TMPRSS15: variants seen among roughly 807,000 people sequenced by gnomAD.
The protein encoded by TMPRSS15 is transmembrane serine protease 15.
TMPRSS15 carries 128 observed loss-of-function variants against 125.3 expected under a neutral mutation model. The ratio of observed to expected loss-of-function variants is 1.02; its 90% CI spans 0.89 to 1.18. The LOEUF is 1.18. TMPRSS15 is among the 50% of genes most tolerant of loss of function. TMPRSS15 has a pLI of 0.00. For synonymous variants in TMPRSS15, 446 were observed against 423.2 expected (o/e 1.05, Z -0.66); for missense variants, 1,283 against 1,212.7 (o/e 1.06, Z -0.86).
intron 17 of TMPRSS15, among the ~76,000 whole-genome samples, chr21:18,314,340 A>G (rs2146938990): frequency 6.6e-6 from 1 of 152,188 alleles, no homozygotes; most frequent in South Asian, 2.1e-4. Flanking sequence ...GTGCAATGGC[A>G]TGATCTGGGC....
intron 1 of TMPRSS15, among the ~76,000 whole-genome samples, chr21:18,450,247 A>C (rs1601466902): frequency 1.3e-5 from 2 of 152,148 alleles, no homozygotes; most frequent in African/African-American, 4.8e-5. Context: ...GTAGCATGCA[A>C]ATTTCATTGT....
At chr21:18,375,588 CATT>C (rs2075833976) in intron 5 of TMPRSS15, among the ~76,000 whole-genome samples, 1 of 152,046 alleles carries the variant, frequency 6.6e-6, no homozygotes, top group Non-Finnish European at 1.5e-5. Context: ...TCATATTAGG[CATT>C]ATTAACTCAG....
chr21:18,461,542 C>T (rs1243942761), intron 1 of TMPRSS15, among the ~76,000 whole-genome samples: 1 of 151,976 alleles, frequency 6.6e-6, no homozygotes, highest in Non-Finnish European at 1.5e-5. Context: ...AACTAAACTC[C>T]CCACGCATAT....
At chr21:18,413,744 T>G (rs2076173258) in intron 1 of TMPRSS15, among the ~76,000 whole-genome samples, 1 of 151,934 alleles carries the variant, frequency 6.6e-6, no homozygotes, top group South Asian at 2.1e-4. Context: ...ATTTCTTGCT[T>G]TAGGACAGGG....
At chr21:18,374,141 G>A (rs1601407674) in intron 5 of TMPRSS15, among the ~76,000 whole-genome samples, 2 of 152,154 alleles carry the variant, frequency 1.3e-5, no homozygotes, top group Non-Finnish European at 2.9e-5. Context: ...AAGGCACCAG[G>A]AGGAGAGAGA....
At chr21:18,475,591 C>G (rs1214633267) in intron 1 of TMPRSS15, among the ~76,000 whole-genome samples, 2 of 151,990 alleles carry the variant, frequency 1.3e-5, no homozygotes, top group African/African-American at 4.8e-5. Context: ...GACTCTGTCT[C>G]AAAAAATTTT....
chr21:18,437,468 G>C (rs1381296952), intron 1 of TMPRSS15, among the ~76,000 whole-genome samples: 2 of 152,096 alleles, frequency 1.3e-5, no homozygotes, highest in African/African-American at 2.4e-5. Context: ...AGCCAAAATT[G>C]ACAAATGGGA....
Position 18,413,312 on chromosome 21 carries a change from T to TTTCTTTCCTTCCTTCCTTCCTTCC in TMPRSS15, c.11-14984_11-14983insGGAAGGAAGGAAGGAAGGAAAGAA, listed in dbSNP as rs1555911458. Among the ~76,000 whole-genome samples, 151 of 94,852 alleles carry TTTCTTTCCTTCCTTCCTTCCTTCC rather than the reference T, an allele frequency of 1.6e-3. 6 individuals are homozygous for TTTCTTTCCTTCCTTCCTTCCTTCC. The highest frequency in any genetic ancestry group is 3.6e-3 in the East Asian group (11 of 3,098). The allele number at this position is 94,852 out of a possible 152,430, so 62.2% of individuals were successfully genotyped here. A position where few individuals can be genotyped will look rare whatever the true frequency, so the allele number is the denominator to read the frequency against. On this transcript the variant is annotated intron_variant, in intron 1 of 7. Coordinates refer to the TMPRSS15 transcript ENST00000422787. ...TCTTTCTTTTCTTTCTTTTCTTTCT[T>TTTCTTTCCTTCCTTCCTTCCTTCC]TTCCTTCCTTCCTTCCTTCCTTCCT...
chr21:18,472,590 A>T (rs893900286), intron 1 of TMPRSS15, among the ~76,000 whole-genome samples: 3 of 151,954 alleles, frequency 2.0e-5, no homozygotes, highest in Non-Finnish European at 4.4e-5. Flanking sequence ...AATCACTACA[A>T]TAAATAAACT....
rs752935954 is a variant in TMPRSS15, at chr21:18,403,538, C to A, written c.85G>T (p.Val29Leu). ...GCAATTAATCCAGCACAGAGCACTACCAATATGGCAAAGAGAGCTGCAAAC... is the reference window on the plus strand; with the variant it reads ...GCAATTAATCCAGCACAGAGCACTAACAATATGGCAAAGAGAGCTGCAAAC... ...IMFAALFAIL[V>L]VLCAGLIAVS... is the part of the protein sequence containing the mutation. Residue 29 changes from valine to leucine, a missense_variant, in exon 1 of 25, where the codon GTA becomes TTA. Physicochemically the swap from Val to Leu is conservative, Grantham distance 32 (BLOSUM62 1). Coordinates refer to ENST00000284885, the MANE Select transcript of TMPRSS15 (RefSeq NM_002772.3). 6.2e-7 allele frequency: 1 copy of A among 1,614,134 alleles called. No homozygotes were observed. The highest frequency in any genetic ancestry group is 2.2e-5 in the East Asian group (1 of 44,868).
At chr21:18,429,278 G>A (rs1413244161) in intron 1 of TMPRSS15, among the ~76,000 whole-genome samples, 2 of 152,154 alleles carry the variant, frequency 1.3e-5, no homozygotes, top group African/African-American at 2.4e-5. Context: ...TGTGTCAGAT[G>A]AGACTTTGAA....
At position 18,326,281 on chromosome 21, in the gene TMPRSS15, A is replaced by G. The variant is rs1025086249; in HGVS notation, c.1921+151T>C. 1.1e-4 allele frequency: 129 copies of G among 1,198,496 alleles called. 1 individual carries two copies. Among genetic ancestry groups the G allele is most frequent in the South Asian group, 1.8e-4 (14 of 79,356 alleles). 74.2% of individuals were successfully genotyped at this position (1,198,496 alleles called of 1,614,324 possible). ...ACTCAGGTAACGGTACTACAGATGT[A>G]AAGGAGGAAAAATCATCTTCATTAA... On this transcript the variant is annotated intron_variant, in intron 16 of 24. Transcript: ENST00000284885.
intron 17 of TMPRSS15, 46 bp downstream of exon 17, chr21:18,315,100 G>A (rs773065450): frequency 1.4e-6 from 2 of 1,452,532 alleles, no homozygotes; most frequent in East Asian, 4.5e-5. Context: ...GAGTCCAAAT[G>A]CAGAGGCTAA....
At position 18,336,604 on chromosome 21, in the gene TMPRSS15, G is replaced by T. The variant is rs551494323; in HGVS notation, c.1565-4431C>A. On this transcript the variant is annotated intron_variant, in intron 13 of 24. Transcript: ENST00000284885. ...TTTTTATTCTCTGTACTCTAAATTT[G>T]GTTATCAATAAAAATCCAGACAATG... 3.3e-5 allele frequency among the ~76,000 whole-genome samples: 5 copies of T among 152,178 alleles called. No individual in the cohort carries two copies. The East Asian group carries it at 7.7e-4, about 23-fold the overall frequency.
At position 18,420,522 on chromosome 21, in the gene TMPRSS15, A is replaced by G. The variant is rs536529006; in HGVS notation, c.11-22193T>C. ...ATACCTTGGATTTAGTAAAACCTGCATGTTACCTAAAACAATTAGTAATTT... is the reference window on the plus strand; with the variant it reads ...ATACCTTGGATTTAGTAAAACCTGCGTGTTACCTAAAACAATTAGTAATTT... On this transcript the variant is annotated intron_variant, in intron 1 of 7. Coordinates refer to the TMPRSS15 transcript ENST00000422787. 2.0e-5 allele frequency among the ~76,000 whole-genome samples: 3 copies of G among 152,346 alleles called. No homozygotes were observed. In the South Asian group the frequency reaches 6.2e-4, roughly 32 times the overall value.
intron 1 of TMPRSS15, among the ~76,000 whole-genome samples, chr21:18,473,730 C>T (rs1425398143): frequency 6.6e-6 from 1 of 152,064 alleles, no homozygotes; most frequent in Non-Finnish European, 1.5e-5. Flanking sequence ...CACCCATTCA[C>T]ATCCTAAGAA....
intron 21 of TMPRSS15, among the ~76,000 whole-genome samples, chr21:18,288,072 C>T (rs547052200): frequency 2.0e-5 from 3 of 152,096 alleles, no homozygotes; most frequent in African/African-American, 7.2e-5. Context: ...AGAAAAGATA[C>T]TGAATCAACA....
At chr21:18,399,064 C>G (rs575726265) in intron 1 of TMPRSS15, among the ~76,000 whole-genome samples, 1 of 152,184 alleles carries the variant, frequency 6.6e-6, no homozygotes, top group African/African-American at 2.4e-5. Flanking sequence ...TTCATTGACA[C>G]TGATTTATGT....
intron 21 of TMPRSS15, among the ~76,000 whole-genome samples, chr21:18,289,409 G>C (rs932402824): frequency 4.6e-5 from 7 of 152,164 alleles, no homozygotes; most frequent in Admixed American, 4.6e-4. Context: ...CTACTCGGGA[G>C]GCTGAGGCAG....
Sources: gnomAD v4.1 joint callset for allele counts (sites outside exome capture counted in the v4.1 genomes callset) on GRCh38, gnomAD v4.1.1 for gene constraint, MANE v1.5 for transcripts, NCBI Gene and HGNC (gene_info 2026-07-23, HGNC 2026-07-21) for gene names.